NCAM2: variants seen among roughly 807,000 people sequenced by gnomAD.
The protein encoded by NCAM2 is N-CAM-2.
NCAM2 carries 30 observed loss-of-function variants against 98.1 expected under a neutral mutation model. The ratio of observed to expected loss-of-function variants is 0.31; its 90% CI spans 0.23 to 0.41. The LOEUF (loss-of-function observed/expected upper bound fraction) is 0.41. NCAM2 is among the 10% of genes least tolerant of loss of function. The probability of loss-of-function intolerance (pLI) is 1.00; values close to 1 mark genes in which losing one functional copy is unlikely to be tolerated. For missense variants in NCAM2, 867 were observed against 1,005.8 expected, an observed-to-expected ratio of 0.86 and a Z score of 1.87; for synonymous variants, 368 against 342.4, an observed-to-expected ratio of 1.07 and a Z score of -0.83.
chr21:21,476,053 ATACT>A (rs1470161273), intron 14 of NCAM2, among the ~76,000 whole-genome samples: 1 of 152,166 alleles, frequency 6.6e-6, no homozygotes, highest in African/African-American at 2.4e-5. Context: ...TAGAGAACAA[ATACT>A]TAATTGTCAC....
At position 21,200,275 on chromosome 21, in the gene NCAM2, A is replaced by G. The variant is rs563451631; in HGVS notation, c.56-80303A>G. Among the ~76,000 whole-genome samples, 86 of 152,206 alleles carry G rather than the reference A, an allele frequency of 5.7e-4. 1 individual carries two copies. Among genetic ancestry groups the G allele is most frequent in the South Asian group, 8.3e-4 (4 of 4,826 alleles). On this transcript the variant is annotated intron_variant, in intron 1 of 17. Transcript: ENST00000400546. Reference sequence around the variant, plus strand: ...GACACTTTAGAACATAATCAAATGGACTTGCATGGGTCACAACACATCCTT... The same window carrying G: ...GACACTTTAGAACATAATCAAATGGGCTTGCATGGGTCACAACACATCCTT...
intron 12 of NCAM2, among the ~76,000 whole-genome samples, chr21:21,441,779 G>A (rs1350980852): frequency 6.6e-6 from 1 of 152,172 alleles, no homozygotes; most frequent in Non-Finnish European, 1.5e-5. Flanking sequence ...GCTAACAAAA[G>A]TGCCCTTAGG....
At position 21,069,182 on chromosome 21, in the gene NCAM2, C is replaced by T. The variant is rs372771475; in HGVS notation, c.55+70564C>T. ...GTTATGTCCCCATGTAAAAATTCGA[C>T]TGAAGCTAGTTGAATTCACTAATTC... is the stretch of plus-strand genomic sequence containing the variant. On this transcript the variant is annotated intron_variant, in intron 1 of 17. Transcript: ENST00000400546. Among the ~76,000 whole-genome samples the T allele has an allele frequency of 2.2e-4, 33 of 152,254 alleles. No individual in the cohort carries two copies. In the South Asian group the frequency reaches 6.6e-3, roughly 31 times the overall value.
At chr21:21,446,079 C>T (rs1980089553) in intron 12 of NCAM2, among the ~76,000 whole-genome samples, 1 of 151,798 alleles carries the variant, frequency 6.6e-6, no homozygotes, top group Non-Finnish European at 1.5e-5. Flanking sequence ...TTTTTTTCTC[C>T]TTCAGTTATG....
chr21:21,084,406 G>A lies in NCAM2; in HGVS notation c.55+85788G>A, dbSNP rs184513853. 1.4e-3 allele frequency among the ~76,000 whole-genome samples: 220 copies of A among 152,240 alleles called. 3 individuals carry two copies. Among genetic ancestry groups the A allele is most frequent in the Non-Finnish European group, 1.6e-4 (11 of 68,016 alleles). The stretch of plus-strand genomic sequence containing the variant: ...ACTGAATAGTTACAATGTCACAAGT[G>A]TTTTTCATGTTGTTCTTTTATAACC... On this transcript the variant is annotated intron_variant, in intron 1 of 17. Transcript: ENST00000400546.
intron 8 of NCAM2, among the ~76,000 whole-genome samples, chr21:21,346,065 T>C: frequency 6.6e-6 from 1 of 151,884 alleles, no homozygotes; most frequent in Admixed American, 6.6e-5. Context: ...TGAATATAAA[T>C]GGACTAAACT....
At chr21:21,030,400 A>G (rs993382135) in intron 1 of NCAM2, among the ~76,000 whole-genome samples, 5 of 152,144 alleles carry the variant, frequency 3.3e-5, no homozygotes, top group African/African-American at 1.2e-4. Flanking sequence ...TACAAACTTT[A>G]TCTTACTGTT....
At chr21:21,106,018 C>T (rs1177541499) in intron 1 of NCAM2, among the ~76,000 whole-genome samples, 2 of 151,684 alleles carry the variant, frequency 1.3e-5, no homozygotes, top group African/African-American at 4.8e-5. Context: ...TATATATGTC[C>T]ATGTTATATT....
intron 6 of NCAM2, among the ~76,000 whole-genome samples, chr21:21,325,119 T>G (rs1462146764): frequency 6.6e-6 from 1 of 152,140 alleles, no homozygotes; most frequent in Non-Finnish European, 1.5e-5. Flanking sequence ...TTAGATTGTG[T>G]CTCAAACTAC....
At chr21:21,514,815 G>A (rs540843934) in intron 16 of NCAM2, among the ~76,000 whole-genome samples, 168 of 152,122 alleles carry the variant, frequency 1.1e-3, no homozygotes, top group Non-Finnish European at 2.2e-3. Flanking sequence ...AATTCAAATA[G>A]GCCTGTTTCT....
intron 14 of NCAM2, among the ~76,000 whole-genome samples, chr21:21,472,537 G>C (rs559523207): frequency 3.9e-5 from 6 of 152,096 alleles, no homozygotes; most frequent in African/African-American, 1.4e-4. Flanking sequence ...TTTCTTTGCT[G>C]TAAGTTAAGA....
At chr21:21,273,116 A>C (rs528899308) in intron 1 of NCAM2, among the ~76,000 whole-genome samples, 24 of 152,296 alleles carry the variant, frequency 1.6e-4, no homozygotes, top group African/African-American at 4.6e-4. Context: ...GGCTGGATTC[A>C]AATCTGGTTT....
chr21:21,235,558 G>A (rs1340454915), intron 1 of NCAM2, among the ~76,000 whole-genome samples: 2 of 151,988 alleles, frequency 1.3e-5, no homozygotes, highest in African/African-American at 4.8e-5. Flanking sequence ...TATAGTTCAA[G>A]TAGTCAATCT....
chr21:21,267,780 C>T (rs2072342923), intron 1 of NCAM2, among the ~76,000 whole-genome samples: 1 of 152,104 alleles, frequency 6.6e-6, no homozygotes, highest in Non-Finnish European at 1.5e-5. Flanking sequence ...GATTTAAATT[C>T]TTTATACTAT....
chr21:21,112,556 A>T (rs769712420), intron 1 of NCAM2, among the ~76,000 whole-genome samples: 1 of 152,146 alleles, frequency 6.6e-6, no homozygotes, highest in Non-Finnish European at 1.5e-5. Flanking sequence ...GGTCCTTCTC[A>T]TCCGTCAAAG....
intron 1 of NCAM2, among the ~76,000 whole-genome samples, chr21:21,124,329 G>T (rs1431324229): frequency 6.6e-6 from 1 of 152,222 alleles, no homozygotes. Context: ...GTAACATTAT[G>T]TGCAAGTGCC....
intron 1 of NCAM2, among the ~76,000 whole-genome samples, chr21:21,232,440 A>G (rs1415709749): frequency 6.6e-6 from 1 of 151,612 alleles, no homozygotes; most frequent in East Asian, 1.9e-4. Flanking sequence ...TCAGTTAATA[A>G]TCATTTTTGA....
intron 1 of NCAM2, among the ~76,000 whole-genome samples, chr21:21,153,525 A>G (rs564648192): frequency 1.3e-5 from 2 of 152,100 alleles, no homozygotes; most frequent in East Asian, 3.9e-4. Context: ...GCATATTTAA[A>G]TGAACGTTTG....
intron 9 of NCAM2, among the ~76,000 whole-genome samples, chr21:21,378,157 A>G (rs2076073420): frequency 6.8e-6 from 1 of 147,226 alleles, no homozygotes; most frequent in African/African-American, 2.5e-5. Flanking sequence ...GACTGCAGAT[A>G]CCTCTACCAG....
Sources: gnomAD v4.1 joint callset for allele counts (sites outside exome capture counted in the v4.1 genomes callset) on GRCh38, gnomAD v4.1.1 for gene constraint, MANE v1.5 for transcripts, NCBI Gene and HGNC (gene_info 2026-07-23, HGNC 2026-07-21) for gene names.